The following SCAI variants were observed in gnomAD, a reference collection of about 807,000 sequenced individuals.
SCAI encodes the protein protein SCAI.
SCAI carries 24 observed loss-of-function variants against 92.2 expected under a neutral mutation model. The ratio of observed to expected loss-of-function variants is 0.26; its 90% CI spans 0.19 to 0.37. SCAI has a LOEUF of 0.37. SCAI is among the 10% of genes least tolerant of loss of function. SCAI has a pLI of 1.00. For synonymous variants in SCAI, 261 were observed against 258.6 expected (o/e 1.01, Z -0.09); for missense variants, 450 against 736.2 (o/e 0.61, Z 4.50).
At chr9:125,022,909 C>T (rs570348996) in intron 6 of SCAI, among the ~76,000 whole-genome samples, 1 of 152,192 alleles carries the variant, frequency 6.6e-6, no homozygotes, top group South Asian at 2.1e-4. Flanking sequence ...TAATGATCAT[C>T]ATTTTGTTAC....
At chr9:124,992,629 C>G (rs1460829066) in intron 14 of SCAI, among the ~76,000 whole-genome samples, 1 of 151,122 alleles carries the variant, frequency 6.6e-6, no homozygotes, top group Non-Finnish European at 1.5e-5. Context: ...AGTGATCCGC[C>G]CGCCTCAGCC....
intron 9 of SCAI, among the ~76,000 whole-genome samples, chr9:125,004,753 ATATATATATATATATATATATATATATT>A (rs1832446156): frequency 1.1e-4 from 1 of 9,008 alleles, no homozygotes; most frequent in Admixed American, 1.7e-3. Context: ...ATATATATAT[ATATATATATATATATATATATATATATT>A]TTTTTTTTTT....
chr9:125,004,275 G>A (rs949738745), intron 9 of SCAI, among the ~76,000 whole-genome samples: 1 of 151,722 alleles, frequency 6.6e-6, no homozygotes, highest in Admixed American at 6.6e-5. Flanking sequence ...TAGGTAGTGT[G>A]CTATGTGAGG....
At chr9:125,049,925 A>T (rs1337261313) in intron 3 of SCAI, among the ~76,000 whole-genome samples, 1 of 152,216 alleles carries the variant, frequency 6.6e-6, no homozygotes, top group Non-Finnish European at 1.5e-5. Flanking sequence ...TCTGAATACA[A>T]GTCACATGGA....
chr9:125,038,059 C>T (rs1019600349), intron 3 of SCAI, among the ~76,000 whole-genome samples: 8 of 152,088 alleles, frequency 5.3e-5, no homozygotes, highest in Middle Eastern at 3.2e-3. Context: ...AGTTCGAGAC[C>T]AGCCTGGGCA....
intron 3 of SCAI, among the ~76,000 whole-genome samples, chr9:125,034,229 C>T (rs893380336): frequency 7.9e-5 from 12 of 152,162 alleles, no homozygotes; most frequent in Non-Finnish European, 1.8e-4. Context: ...ATTGGTGTAG[C>T]CCAGCTGGAA....
intron 2 of SCAI, among the ~76,000 whole-genome samples, chr9:125,117,408 G>A (rs1835066683): frequency 6.6e-6 from 1 of 152,174 alleles, no homozygotes; most frequent in Admixed American, 6.6e-5. Context: ...GCTCACGCCT[G>A]TAATTCCAGC....
intron 2 of SCAI, among the ~76,000 whole-genome samples, chr9:125,065,074 G>A (rs1833848128): frequency 2.0e-5 from 3 of 152,008 alleles, no homozygotes. Context: ...AATAAGAGCA[G>A]CCAATTAAAC....
intron 13 of SCAI, among the ~76,000 whole-genome samples, chr9:124,995,316 T>C (rs765188302): frequency 1.3e-5 from 2 of 152,110 alleles, no homozygotes; most frequent in Non-Finnish European, 2.9e-5. Context: ...GGCAAACAGA[T>C]ACCTGTTTCA....
chr9:124,952,798 G>A lies in SCAI; in HGVS notation c.*9C>T. The A allele has an allele frequency of 2.5e-6, 4 of 1,600,338 alleles. No individual in the cohort carries two copies. The highest frequency in any genetic ancestry group is 3.4e-6 in the Non-Finnish European group (4 of 1,173,478). On this transcript the variant is annotated 3_prime_UTR_variant, in exon 18 of 18. Transcript: ENST00000336505. ...AATGAAAACTTGTTTCGACAACAGGGTTTTTGTTTTAATAGTCATCAATGG... is the reference window on the plus strand; with the variant it reads ...AATGAAAACTTGTTTCGACAACAGGATTTTTGTTTTAATAGTCATCAATGG...
At chr9:125,084,296 G>A (rs957297290) in intron 2 of SCAI, among the ~76,000 whole-genome samples, 30 of 148,272 alleles carry the variant, frequency 2.0e-4, no homozygotes, top group Admixed American at 5.5e-4. Context: ...TCAGCCTCCC[G>A]AGTAGCTGGG....
At chr9:125,114,628 T>G (rs991344061) in intron 2 of SCAI, among the ~76,000 whole-genome samples, 1 of 152,032 alleles carries the variant, frequency 6.6e-6, no homozygotes, top group African/African-American at 2.4e-5. Flanking sequence ...CCCCCAGAGA[T>G]AGGGTCTTGC....
chr9:125,093,852 C>A (rs1799244467), intron 2 of SCAI, among the ~76,000 whole-genome samples: 2 of 152,114 alleles, frequency 1.3e-5, no homozygotes, highest in Non-Finnish European at 2.9e-5. Flanking sequence ...GCGTGAGCCA[C>A]CGTGCCCGGC....
intron 2 of SCAI, among the ~76,000 whole-genome samples, chr9:125,132,117 CTT>C (rs758872012): frequency 3.4e-4 from 48 of 142,814 alleles, no homozygotes; most frequent in African/African-American, 3.8e-4. Context: ...TTCTTTTTTC[CTT>C]TTTTTTTTTT....
intron 9 of SCAI, among the ~76,000 whole-genome samples, chr9:125,006,836 A>G (rs539629466): frequency 3.3e-5 from 5 of 152,254 alleles, no homozygotes; most frequent in African/African-American, 1.2e-4. Flanking sequence ...GTAAAAACTG[A>G]GGCCAGGTGT....
chr9:125,136,456 CT>C (rs1167871254), intron 2 of SCAI, among the ~76,000 whole-genome samples: 74 of 95,222 alleles, frequency 7.8e-4, no homozygotes, highest in South Asian at 1.8e-3. Flanking sequence ...TAATACCTTT[CT>C]TTTTTTTTTT....
At chr9:125,014,287 T>C (rs1348718279) in intron 9 of SCAI, among the ~76,000 whole-genome samples, 1 of 151,980 alleles carries the variant, frequency 6.6e-6, no homozygotes, top group Non-Finnish European at 1.5e-5. Flanking sequence ...AACCCCATTG[T>C]CTCAGCCCAA....
intron 6 of SCAI, among the ~76,000 whole-genome samples, chr9:125,024,321 G>A (rs1269988693): frequency 1.4e-5 from 2 of 147,318 alleles, no homozygotes; most frequent in Non-Finnish European, 3.0e-5. Context: ...TTGTCACCCA[G>A]GCTGAGTGCA....
At position 124,948,093 on chromosome 9, in the gene SCAI, T is replaced by C. The variant is rs1831177544; in HGVS notation, c.*4714A>G. 6.6e-6 allele frequency: 1 copy of C among 152,230 alleles called. No homozygotes were observed. Among genetic ancestry groups the C allele is most frequent in the South Asian group, 2.1e-4 (1 of 4,838 alleles). The allele number at this position is 152,230 out of a possible 1,614,324, so 9.4% of individuals were successfully genotyped here. ...CTAAAGAAAGCTCCATAATACCTAA[T>C]ACATAAATCCGATTTGTCGCTTTTC... On this transcript the variant is annotated 3_prime_UTR_variant, in exon 18 of 18. Transcript: ENST00000336505.
Sources: gnomAD v4.1 joint callset for allele counts (sites outside exome capture counted in the v4.1 genomes callset) on GRCh38, gnomAD v4.1.1 for gene constraint, MANE v1.5 for transcripts, NCBI Gene and HGNC (gene_info 2026-07-23, HGNC 2026-07-21) for gene names.